CNTN5: variants seen among roughly 807,000 people sequenced by gnomAD.
The protein encoded by CNTN5 is contactin 5.
CNTN5 carries 77 observed loss-of-function variants against 129.1 expected under a neutral mutation model. That is an observed-to-expected ratio of 0.60 (90% CI 0.50 to 0.72). CNTN5 has a LOEUF of 0.72. Ranked by LOEUF, CNTN5 falls within the 30% of genes least tolerant of loss-of-function variation. CNTN5 has a pLI of 0.00. For missense variants in CNTN5, 1,478 were observed against 1,328.8 expected, an observed-to-expected ratio of 1.11 and a Z score of -1.75; for synonymous variants, 509 against 465.6, an observed-to-expected ratio of 1.09 and a Z score of -1.20.
At chr11:99,320,860 T>G (rs1166025041) in intron 1 of CNTN5, among the ~76,000 whole-genome samples, 2 of 152,074 alleles carry the variant, frequency 1.3e-5, no homozygotes, top group Non-Finnish European at 2.9e-5. Context: ...TGTTTCTTGA[T>G]GAGGTGAAAA....
chr11:99,783,767 C>G (rs1280524488), intron 3 of CNTN5, among the ~76,000 whole-genome samples: 1 of 149,572 alleles, frequency 6.7e-6, no homozygotes, highest in Non-Finnish European at 1.5e-5. Flanking sequence ...GGGAATTGAA[C>G]AGTGAGATCA....
At chr11:99,767,951 A>C (rs1177340049) in intron 3 of CNTN5, among the ~76,000 whole-genome samples, 1 of 152,118 alleles carries the variant, frequency 6.6e-6, no homozygotes, top group East Asian at 1.9e-4. Context: ...AGGGATCTTC[A>C]AACTAGAGTT....
intron 15 of CNTN5, among the ~76,000 whole-genome samples, chr11:100,208,236 T>C (rs971829952): frequency 2.6e-5 from 4 of 152,196 alleles, no homozygotes; most frequent in Non-Finnish European, 4.4e-5. Context: ...TGGCTTCAAA[T>C]AACCATTTAT....
At chr11:99,774,743 A>G (rs2135354810) in intron 3 of CNTN5, among the ~76,000 whole-genome samples, 1 of 152,010 alleles carries the variant, frequency 6.6e-6, no homozygotes, top group South Asian at 2.1e-4. Flanking sequence ...TTCTCTTAGA[A>G]TGTATGAATG....
intron 8 of CNTN5, among the ~76,000 whole-genome samples, chr11:99,980,812 T>A (rs1004964858): frequency 2.6e-5 from 4 of 152,016 alleles, no homozygotes; most frequent in Non-Finnish European, 4.4e-5. Flanking sequence ...CAAAATTGAT[T>A]CTTTTATGAA....
chr11:99,229,222 T>C (rs1860851889), intron 1 of CNTN5, among the ~76,000 whole-genome samples: 1 of 152,082 alleles, frequency 6.6e-6, no homozygotes, highest in Admixed American at 6.6e-5. Context: ...TTGAATTTTT[T>C]ATCCACATAC....
chr11:99,702,749 A>G (rs1954577339), intron 3 of CNTN5, among the ~76,000 whole-genome samples: 1 of 150,944 alleles, frequency 6.6e-6, no homozygotes, highest in Non-Finnish European at 1.5e-5. Context: ...TTAGCATTTG[A>G]GTTAATTCAG....
intron 7 of CNTN5, among the ~76,000 whole-genome samples, chr11:99,930,809 A>ACACG (rs1950175289): frequency 1.3e-5 from 2 of 151,900 alleles, no homozygotes; most frequent in South Asian, 4.2e-4. Context: ...ACACACACAC[A>ACACG]CACACACACA....
intron 13 of CNTN5, among the ~76,000 whole-genome samples, chr11:100,176,590 A>T (rs1947362): frequency 0.19 from 28,561 of 151,926 alleles, 3,240 homozygotes; most frequent in Middle Eastern, 0.29. Flanking sequence ...TGGATTAAGG[A>T]TGAGTTCAGG....
chr11:99,831,116 G>A (rs1051125096), intron 4 of CNTN5, among the ~76,000 whole-genome samples: 6 of 152,016 alleles, frequency 3.9e-5, no homozygotes, highest in African/African-American at 9.7e-5. Flanking sequence ...TTGAGGTTTC[G>A]GACCATGAAT....
At chr11:99,935,900 A>G (rs138975247) in intron 7 of CNTN5, among the ~76,000 whole-genome samples, 2 of 152,208 alleles carry the variant, frequency 1.3e-5, no homozygotes, top group African/African-American at 4.8e-5. Flanking sequence ...GAGAACAAGT[A>G]TATTTCCTAG....
intron 3 of CNTN5, among the ~76,000 whole-genome samples, chr11:99,621,000 T>C (rs12790322): frequency 0.45 from 67,998 of 150,976 alleles, 15,859 homozygotes; most frequent in Admixed American, 0.59. Flanking sequence ...TCAAACAATG[T>C]GAGGCACTAT....
At chr11:99,651,670 T>G (rs1952162782) in intron 3 of CNTN5, among the ~76,000 whole-genome samples, 1 of 152,018 alleles carries the variant, frequency 6.6e-6, no homozygotes, top group African/African-American at 2.4e-5. Context: ...AATGAAGTGT[T>G]ATATAAATTA....
chr11:100,125,615 G>A (rs1946159578), intron 13 of CNTN5, among the ~76,000 whole-genome samples: 1 of 152,054 alleles, frequency 6.6e-6, no homozygotes, highest in Non-Finnish European at 1.5e-5. Flanking sequence ...AAATAGTGCT[G>A]TGATGAACAT....
At chr11:99,820,562 A>C (rs570877762) in intron 4 of CNTN5, among the ~76,000 whole-genome samples, 2 of 152,422 alleles carry the variant, frequency 1.3e-5, no homozygotes, top group African/African-American at 4.8e-5. Context: ...CCATCGACAA[A>C]ATAATGCCTG....
chr11:100,266,066 C>T lies in CNTN5; in HGVS notation c.2165-5026C>T, dbSNP rs532591397. Among the ~76,000 whole-genome samples, 6 of 152,116 alleles carry T rather than the reference C, an allele frequency of 3.9e-5. No homozygotes were observed. The South Asian group carries it at 1.2e-3, about 31-fold the overall frequency. On this transcript the variant is annotated intron_variant, in intron 17 of 24. Coordinates refer to ENST00000524871, the MANE Select transcript of CNTN5 (RefSeq NM_014361.4). The stretch of plus-strand genomic sequence containing the variant: ...TTTTGCACAGATTGGTTACATTTTT[C>T]AACTGAACAGATTTATTTGGTATTT...
At position 100,213,860 on chromosome 11, in the gene CNTN5, G is replaced by A. The variant is rs763986405; in HGVS notation, c.1885-10832G>A. On this transcript the variant is annotated intron_variant, in intron 15 of 24. Transcript: ENST00000524871. ...GATTGTGAAAGATAGTGTTAAAATG[G>A]ATGCTATCACCCATTTTCTTCTTTT... Among the ~76,000 whole-genome samples, 48 of 152,046 alleles carry A rather than the reference G, an allele frequency of 3.2e-4. 1 individual carries two copies. The highest frequency in any genetic ancestry group is 3.1e-4 in the Non-Finnish European group (21 of 68,000).
chr11:99,430,531 T>A (rs1943320997), intron 2 of CNTN5, among the ~76,000 whole-genome samples: 1 of 150,718 alleles, frequency 6.6e-6, no homozygotes, highest in African/African-American at 2.4e-5. Flanking sequence ...TATATATAGC[T>A]TGAATACCAC....
At chr11:100,084,707 T>C (rs1159871984) in intron 13 of CNTN5, among the ~76,000 whole-genome samples, 6 of 152,066 alleles carry the variant, frequency 3.9e-5, no homozygotes, top group Non-Finnish European at 1.5e-5. Context: ...AGTAGGGAGA[T>C]AGATTGATAG....
Sources: gnomAD v4.1 joint callset for allele counts (sites outside exome capture counted in the v4.1 genomes callset) on GRCh38, gnomAD v4.1.1 for gene constraint, MANE v1.5 for transcripts, NCBI Gene and HGNC (gene_info 2026-07-23, HGNC 2026-07-21) for gene names.